Variants in BMPER observed in about 807,000 individuals in gnomAD.
The protein encoded by BMPER is BMP binding endothelial regulator, also known as BMP-binding endothelial regulator protein.
In BMPER, 45 loss-of-function variants were observed where a neutral mutation model predicts 87.3. The ratio of observed to expected loss-of-function variants is 0.52; its 90% CI spans 0.41 to 0.66. The LOEUF (loss-of-function observed/expected upper bound fraction) is 0.66. Ranked by LOEUF, BMPER falls within the 30% of genes least tolerant of loss-of-function variation. BMPER has a pLI of 0.00. For synonymous variants in BMPER, 326 were observed against 316.2 expected (o/e 1.03, Z -0.33); for missense variants, 784 against 867.5 (o/e 0.90, Z 1.21).
At position 33,970,323 on chromosome 7, in the gene BMPER, T is replaced by C; in HGVS notation, c.403-6T>C. On this transcript the variant is annotated splice_region_variant and splice_polypyrimidine_tract_variant and intron_variant, in intron 4 of 14. Transcript: ENST00000649409. The stretch of plus-strand genomic sequence containing the variant: ...CTGACTTTGCTTGTTTTGTTCTGTG[T>C]TTCAGGAGGGCGTTGTCACAGAGTC... 6.2e-7 allele frequency: 1 copy of C among 1,613,290 alleles called. No individual in the cohort carries two copies. The highest frequency in any genetic ancestry group is 8.5e-7 in the Non-Finnish European group (1 of 1,179,262).
chr7:33,952,066 G>A (rs946051841), intron 3 of BMPER, among the ~76,000 whole-genome samples: 1 of 152,138 alleles, frequency 6.6e-6, no homozygotes, highest in Admixed American at 6.5e-5. Context: ...TAAACTTACT[G>A]ATCACCTAAA....
intron 13 of BMPER, among the ~76,000 whole-genome samples, chr7:34,113,658 T>C (rs1048241855): frequency 6.6e-6 from 1 of 152,028 alleles, no homozygotes; most frequent in African/African-American, 2.4e-5. Flanking sequence ...ATAGATTAAG[T>C]TCTTCATCAT....
At chr7:34,062,163 A>G (rs766728266) in intron 11 of BMPER, 116 bp downstream of exon 11, 53 of 959,244 alleles carry the variant, frequency 5.5e-5, no homozygotes, top group Non-Finnish European at 8.1e-5. Context: ...TATATATAGG[A>G]TGGGATCATC....
At chr7:34,128,799 A>G (rs142523702) in intron 13 of BMPER, among the ~76,000 whole-genome samples, 93 of 152,312 alleles carry the variant, frequency 6.1e-4, no homozygotes, top group African/African-American at 2.1e-3. Context: ...AGAAGCTGTC[A>G]TTGTCTATCA....
intron 6 of BMPER, among the ~76,000 whole-genome samples, chr7:34,009,802 C>T (rs1014847114): frequency 1.3e-5 from 2 of 152,018 alleles, no homozygotes; most frequent in East Asian, 3.9e-4. Context: ...CTCTAGACTT[C>T]TCAAAACATT....
chr7:33,996,409 A>G (rs1293289126), intron 6 of BMPER, among the ~76,000 whole-genome samples: 1 of 152,146 alleles, frequency 6.6e-6, no homozygotes, highest in Non-Finnish European at 1.5e-5. Context: ...TTTATATCAA[A>G]CCCAAATATT....
intron 6 of BMPER, among the ~76,000 whole-genome samples, chr7:33,988,330 T>C (rs1035777034): frequency 6.6e-6 from 1 of 152,184 alleles, no homozygotes; most frequent in Admixed American, 6.5e-5. Context: ...CTTGAGAATT[T>C]TGGATTTTGT....
intron 14 of BMPER, among the ~76,000 whole-genome samples, chr7:34,151,836 G>C (rs1791184292): frequency 6.6e-6 from 1 of 152,296 alleles, no homozygotes; most frequent in African/African-American, 2.4e-5. Flanking sequence ...TAGATGTTTT[G>C]TTTCATACAA....
At chr7:34,024,392 TA>T (rs1787298187) in intron 6 of BMPER, among the ~76,000 whole-genome samples, 1 of 8,172 alleles carries the variant, frequency 1.2e-4, no homozygotes, top group Non-Finnish European at 2.3e-4. Flanking sequence ...ACAATATATA[TA>T]TATATATATA....
chr7:34,085,374 T>C (rs760815917), intron 12 of BMPER, among the ~76,000 whole-genome samples: 2 of 152,276 alleles, frequency 1.3e-5, no homozygotes, highest in Middle Eastern at 6.8e-3. Flanking sequence ...TTTTTTTCCA[T>C]TTGCACATTG....
At chr7:34,148,319 G>A (rs1791082411) in intron 14 of BMPER, among the ~76,000 whole-genome samples, 1 of 152,134 alleles carries the variant, frequency 6.6e-6, no homozygotes, top group Non-Finnish European at 1.5e-5. Context: ...TCAACTCTCA[G>A]TGTTGAACTA....
At chr7:33,958,921 G>T (rs920937855) in intron 3 of BMPER, among the ~76,000 whole-genome samples, 6 of 152,054 alleles carry the variant, frequency 3.9e-5, no homozygotes, top group Non-Finnish European at 8.8e-5. Context: ...TGAATGGTGG[G>T]GGCAGTTTCC....
At chr7:34,113,004 A>G (rs1461633377) in intron 13 of BMPER, among the ~76,000 whole-genome samples, 2 of 151,644 alleles carry the variant, frequency 1.3e-5, no homozygotes, top group Non-Finnish European at 1.5e-5. Flanking sequence ...TGGCATGCAC[A>G]TTTTAAGAGA....
chr7:34,047,820 T>TTCCTTCCTTCCTTCCTTCCTTCC (rs1562709450), intron 7 of BMPER, among the ~76,000 whole-genome samples: 10 of 134,334 alleles, frequency 7.4e-5, no homozygotes, highest in South Asian at 2.6e-4. Flanking sequence ...TCTTCCTCAC[T>TTCCTTCCTTCCTTCCTTCCTTCC]TTCCTACTTT....
intron 13 of BMPER, among the ~76,000 whole-genome samples, chr7:34,117,392 C>T (rs780264748): frequency 2.6e-5 from 4 of 152,034 alleles, no homozygotes; most frequent in Non-Finnish European, 4.4e-5. Flanking sequence ...TCAGAAGCAC[C>T]GAACTCAGCT....
chr7:34,038,432 A>AT (rs1218437187), intron 6 of BMPER, among the ~76,000 whole-genome samples: 10 of 152,218 alleles, frequency 6.6e-5, no homozygotes, highest in African/African-American at 2.4e-4. Context: ...CAGCCTGCTG[A>AT]TACCTGGATT....
intron 13 of BMPER, among the ~76,000 whole-genome samples, chr7:34,103,857 C>T (rs1448685744): frequency 2.0e-5 from 3 of 152,172 alleles, no homozygotes; most frequent in African/African-American, 7.2e-5. Context: ...CAAGCTCACC[C>T]TGGAGGTGCA....
intron 11 of BMPER, among the ~76,000 whole-genome samples, chr7:34,071,344 G>A (rs563488905): frequency 6.4e-4 from 98 of 152,108 alleles, no homozygotes; most frequent in African/African-American, 2.2e-3. Flanking sequence ...ATAATCACCC[G>A]GCAAGGTAAT....
chr7:33,984,190 A>G (rs1785936684), intron 6 of BMPER, among the ~76,000 whole-genome samples: 1 of 152,144 alleles, frequency 6.6e-6, no homozygotes, highest in African/African-American at 2.4e-5. Flanking sequence ...TTATCCAGCC[A>G]GGTGTAGTGG....
Sources: allele counts gnomAD v4.1 joint callset (sites outside exome capture counted in the v4.1 genomes callset), GRCh38; gene constraint gnomAD v4.1.1; transcripts MANE v1.5; gene names NCBI Gene and HGNC (gene_info 2026-07-23, HGNC 2026-07-21).